The following SYT6 variants were observed in gnomAD, a reference collection of about 807,000 sequenced individuals.
SYT6 encodes the protein synaptotagmin 6, also known as synaptotagmin-6.
Under a neutral mutation model 38.4 loss-of-function variants are expected in SYT6, and 24 were observed. That is an observed-to-expected ratio of 0.62 (90% CI 0.45 to 0.88). The LOEUF is 0.88. Among genes scored for constraint, SYT6 ranks in the 40% least tolerant of loss-of-function variants. The probability of loss-of-function intolerance (pLI) is 0.00; values close to 1 mark genes in which losing one functional copy is unlikely to be tolerated. For missense variants in SYT6, 611 were observed against 621.0 expected (o/e 0.98, Z 0.17); for synonymous variants, 265 against 241.9 (o/e 1.10, Z -0.89).
chr1:114,114,529 G>A (rs968411738), intron 3 of SYT6, among the ~76,000 whole-genome samples: 1 of 152,202 alleles, frequency 6.6e-6, no homozygotes, highest in African/African-American at 2.4e-5. Context: ...TGGTGTCAGG[G>A]TGGAGCCTCA....
chr1:114,097,411 A>T (rs540813963), intron 6 of SYT6, among the ~76,000 whole-genome samples: 1 of 152,318 alleles, frequency 6.6e-6, no homozygotes, highest in African/African-American at 2.4e-5. Flanking sequence ...CTCCTAAAGG[A>T]CAGACTTGGC....
intron 3 of SYT6, among the ~76,000 whole-genome samples, chr1:114,134,233 C>T (rs536544862): frequency 3.5e-4 from 54 of 152,332 alleles, no homozygotes; most frequent in African/African-American, 1.3e-3. Flanking sequence ...AACACATGCA[C>T]AGGCTGGGTC....
chr1:114,149,025 T>A (rs1189083064), intron 1 of SYT6, among the ~76,000 whole-genome samples: 2 of 152,014 alleles, frequency 1.3e-5, no homozygotes, highest in African/African-American at 4.8e-5. Flanking sequence ...TACTCCCACT[T>A]TTTGGCCTGA....
intron 1 of SYT6, among the ~76,000 whole-genome samples, chr1:114,141,910 G>T (rs1452283376): frequency 1.3e-5 from 2 of 152,208 alleles, no homozygotes; most frequent in Non-Finnish European, 2.9e-5. Flanking sequence ...ATCTGTTTAA[G>T]AATGGTTTAC....
intron 3 of SYT6, among the ~76,000 whole-genome samples, chr1:114,132,347 G>GAGA (rs758432867): frequency 6.6e-6 from 1 of 152,240 alleles, no homozygotes; most frequent in Non-Finnish European, 1.5e-5. Context: ...CGGGCTTGAA[G>GAGA]AGAGGCCTGA....
intron 3 of SYT6, among the ~76,000 whole-genome samples, chr1:114,115,860 GA>G (rs1216677045): frequency 1.3e-5 from 2 of 152,126 alleles, no homozygotes; most frequent in Non-Finnish European, 2.9e-5. Context: ...CAGGTTTGTT[GA>G]CTCTGAAGGT....
chr1:114,123,579 C>T (rs1189355072), intron 3 of SYT6, among the ~76,000 whole-genome samples: 1 of 152,134 alleles, frequency 6.6e-6, no homozygotes, highest in Non-Finnish European at 1.5e-5. Flanking sequence ...GAAGCTGGAC[C>T]CTCTGTCTCT....
chr1:114,113,252 T>C (rs1175686751), intron 3 of SYT6, among the ~76,000 whole-genome samples: 3 of 152,186 alleles, frequency 2.0e-5, no homozygotes, highest in African/African-American at 7.2e-5. Flanking sequence ...TCCACTTCCT[T>C]CCGGTTCTTC....
chr1:114,094,240 A>G (rs1675493956), intron 6 of SYT6, among the ~76,000 whole-genome samples: 1 of 152,216 alleles, frequency 6.6e-6, no homozygotes, highest in Admixed American at 6.5e-5. Context: ...GGAAAGGCGA[A>G]TGATTCCAGG....
At chr1:114,125,589 G>A (rs367669185) in intron 3 of SYT6, among the ~76,000 whole-genome samples, 117 of 152,106 alleles carry the variant, frequency 7.7e-4, no homozygotes, top group South Asian at 2.7e-3. Context: ...TGGCAGTGGC[G>A]TGGGGGCTGG....
chr1:114,107,573 C>A (rs970764605), intron 3 of SYT6, among the ~76,000 whole-genome samples: 3 of 152,198 alleles, frequency 2.0e-5, no homozygotes, highest in African/African-American at 7.2e-5. Context: ...AAGTCAGCAG[C>A]TCTTGGTTCA....
intron 3 of SYT6, among the ~76,000 whole-genome samples, chr1:114,111,958 T>C (rs1187195257): frequency 1.3e-5 from 2 of 152,144 alleles, no homozygotes; most frequent in Non-Finnish European, 2.9e-5. Flanking sequence ...CCCGGGCTCC[T>C]AGGGCTTCAG....
At chr1:114,138,137 C>G (rs2101090356) in intron 2 of SYT6, 84 bp from the exon 3 acceptor site, 1 of 1,337,626 alleles carries the variant, frequency 7.5e-7, no homozygotes, top group South Asian at 1.5e-5. Flanking sequence ...CCTGGAGGCC[C>G]TGGCTCATCT....
At chr1:114,108,097 A>G in intron 3 of SYT6, among the ~76,000 whole-genome samples, 1 of 152,194 alleles carries the variant, frequency 6.6e-6, no homozygotes, top group African/African-American at 2.4e-5. Context: ...TAGTGCTTGC[A>G]GGAGGTGGAC....
intron 3 of SYT6, among the ~76,000 whole-genome samples, chr1:114,130,498 T>C (rs933986875): frequency 9.9e-5 from 15 of 152,172 alleles, no homozygotes; most frequent in Admixed American, 1.3e-4. Flanking sequence ...GCTGTGGGCG[T>C]TCCCCAAAGC....
chr1:114,097,459 G>A lies in SYT6; in HGVS notation c.1515+268C>T, dbSNP rs1675701727. On this transcript the variant is annotated intron_variant, in intron 6 of 7. Transcript: ENST00000610222. The stretch of plus-strand genomic sequence containing the variant: ...GAAAGCATTTCAGACCTGGCACAGT[G>A]GTCTGCTGGGAAGTCTTCTTCACAG... Among the ~76,000 whole-genome samples, 4 of 152,178 alleles carry A rather than the reference G, an allele frequency of 2.6e-5. No homozygotes were observed. In the South Asian group the frequency reaches 8.3e-4, roughly 32 times the overall value.
intron 6 of SYT6, among the ~76,000 whole-genome samples, chr1:114,096,855 C>T (rs967301752): frequency 1.3e-5 from 2 of 152,176 alleles, no homozygotes; most frequent in Non-Finnish European, 2.9e-5. Flanking sequence ...ATCCAGCTTT[C>T]TAGGATACAG....
At chr1:114,128,706 C>T (rs1677899341) in intron 3 of SYT6, among the ~76,000 whole-genome samples, 1 of 152,200 alleles carries the variant, frequency 6.6e-6, no homozygotes, top group Non-Finnish European at 1.5e-5. Flanking sequence ...TGAGCCTTAC[C>T]CCCATCCTCT....
At chr1:114,112,012 T>C (rs562394278) in intron 3 of SYT6, among the ~76,000 whole-genome samples, 1 of 152,318 alleles carries the variant, frequency 6.6e-6, no homozygotes, top group Admixed American at 6.5e-5. Flanking sequence ...GGGATGTGTC[T>C]GTTGTGACGC....
Sources: allele counts gnomAD v4.1 joint callset (sites outside exome capture counted in the v4.1 genomes callset), GRCh38; gene constraint gnomAD v4.1.1; transcripts MANE v1.5; gene names NCBI Gene and HGNC (gene_info 2026-07-23, HGNC 2026-07-21).